The following PTPRG variants were observed in gnomAD, a reference collection of about 807,000 sequenced individuals.
The protein encoded by PTPRG is receptor-type tyrosine-protein phosphatase gamma.
In PTPRG, 102 loss-of-function variants were observed where a neutral mutation model predicts 165.3. The observed-to-expected ratio is 0.62, with a 90% confidence interval of 0.53 to 0.73. The LOEUF (loss-of-function observed/expected upper bound fraction) is 0.73. Among genes scored for constraint, PTPRG ranks in the 30% least tolerant of loss-of-function variants. The pLI is 0.00. For missense variants in PTPRG, 1,866 were observed against 1,861.4 expected (o/e 1.00, Z -0.05); for synonymous variants, 675 against 669.5 (o/e 1.01, Z -0.13).
chr3:62,057,324 T>C (rs1160771752), intron 4 of PTPRG, among the ~76,000 whole-genome samples: 1 of 152,210 alleles, frequency 6.6e-6, no homozygotes, highest in Non-Finnish European at 1.5e-5. Context: ...ACATCCATCC[T>C]TCATCCTCCA....
At chr3:62,158,760 T>A (rs1704633438) in intron 7 of PTPRG, among the ~76,000 whole-genome samples, 1 of 152,200 alleles carries the variant, frequency 6.6e-6, no homozygotes, top group Non-Finnish European at 1.5e-5. Context: ...ACTGCTGTTT[T>A]GGCAATCATT....
chr3:62,054,023 T>C (rs1295024482), intron 4 of PTPRG, among the ~76,000 whole-genome samples: 3 of 152,216 alleles, frequency 2.0e-5, no homozygotes, highest in Non-Finnish European at 2.9e-5. Flanking sequence ...AACATGCCCA[T>C]CACTCTGAAA....
chr3:61,717,603 T>C (rs2031862482), intron 1 of PTPRG, among the ~76,000 whole-genome samples: 1 of 151,818 alleles, frequency 6.6e-6, no homozygotes, highest in Non-Finnish European at 1.5e-5. Flanking sequence ...CTGGTCAACA[T>C]TGTGAAGCCC....
chr3:62,212,578 C>T (rs189252766), intron 12 of PTPRG, among the ~76,000 whole-genome samples: 1 of 152,226 alleles, frequency 6.6e-6, no homozygotes, highest in Admixed American at 6.5e-5. Context: ...GGTCAGAGTG[C>T]CATCTTGCAA....
chr3:61,655,583 CA>C (rs1204206263), intron 1 of PTPRG, among the ~76,000 whole-genome samples: 3 of 151,956 alleles, frequency 2.0e-5, no homozygotes, highest in East Asian at 3.9e-4. Flanking sequence ...TGGGTGGTTG[CA>C]TATTTTGGCT....
At chr3:61,831,288 A>G (rs1366755579) in intron 2 of PTPRG, among the ~76,000 whole-genome samples, 1 of 152,238 alleles carries the variant, frequency 6.6e-6, no homozygotes, top group Non-Finnish European at 1.5e-5. Context: ...CTTTTGTGAA[A>G]GAGCATAATA....
intron 1 of PTPRG, chr3:61,742,783 G>T: frequency 2.5e-6 from 4 of 1,611,036 alleles, no homozygotes; most frequent in Non-Finnish European, 3.4e-6. Flanking sequence ...GGCCAAAAAC[G>T]CATCATACTT....
intron 5 of PTPRG, among the ~76,000 whole-genome samples, chr3:62,101,958 T>C (rs1702302136): frequency 6.6e-6 from 1 of 152,178 alleles, no homozygotes; most frequent in Admixed American, 6.5e-5. Context: ...AAAGAAAAAG[T>C]ATCTCTTTCT....
chr3:61,877,906 C>G (rs1213502602), intron 2 of PTPRG, among the ~76,000 whole-genome samples: 15 of 152,164 alleles, frequency 9.9e-5, no homozygotes, highest in Non-Finnish European at 2.2e-4. Flanking sequence ...ACTCAGAGTA[C>G]AGTAAATGTC....
At chr3:62,095,396 G>A (rs1254171433) in intron 5 of PTPRG, among the ~76,000 whole-genome samples, 1 of 152,190 alleles carries the variant, frequency 6.6e-6, no homozygotes, top group South Asian at 2.1e-4. Flanking sequence ...ACAGCAGTTA[G>A]AGGTTACACC....
At chr3:61,850,130 A>C (rs2036919955) in intron 2 of PTPRG, among the ~76,000 whole-genome samples, 1 of 151,888 alleles carries the variant, frequency 6.6e-6, no homozygotes, top group South Asian at 2.1e-4. Context: ...TTTTCTTAGG[A>C]AATATTTAAT....
intron 2 of PTPRG, among the ~76,000 whole-genome samples, chr3:61,969,176 T>G (rs2040334272): frequency 6.6e-6 from 1 of 152,154 alleles, no homozygotes; most frequent in African/African-American, 2.4e-5. Context: ...AGTGGTTCAT[T>G]AATGATAGTT....
At chr3:62,279,331 T>A (rs1024727153) in intron 26 of PTPRG, among the ~76,000 whole-genome samples, 1 of 152,082 alleles carries the variant, frequency 6.6e-6, no homozygotes, top group Admixed American at 6.6e-5. Flanking sequence ...AAGCAGCATT[T>A]ATTTTTCTTA....
intron 2 of PTPRG, among the ~76,000 whole-genome samples, chr3:61,826,846 T>C (rs1339191693): frequency 2.0e-5 from 3 of 151,260 alleles, no homozygotes; most frequent in Non-Finnish European, 3.0e-5. Context: ...TTTTTTTTTT[T>C]TTCCGATTAT....
In PTPRG at chr3:61,964,525, C is replaced by G. The variant is rs115190785; in HGVS notation, c.191-25100C>G. On this transcript the variant is annotated intron_variant, in intron 2 of 29. Transcript: ENST00000474889. Reference sequence around the variant, plus strand: ...AAAATGTTAGTTTGAGATCAAAACTCTCCATCAAACATAGTTGAATTCCAA... The same window carrying G: ...AAAATGTTAGTTTGAGATCAAAACTGTCCATCAAACATAGTTGAATTCCAA... Among the ~76,000 whole-genome samples the G allele has an allele frequency of 1.8e-3, 270 of 152,264 alleles. 1 individual carries two copies. Among genetic ancestry groups the G allele is most frequent in the African/African-American group, 6.0e-3 (250 of 41,544 alleles).
chr3:62,001,447 G>T (rs1269467975), intron 3 of PTPRG, among the ~76,000 whole-genome samples: 1 of 152,120 alleles, frequency 6.6e-6, no homozygotes, highest in Non-Finnish European at 1.5e-5. Context: ...TCGTCCTGTG[G>T]ATGCAAAATG....
At chr3:61,889,561 G>A (rs1464197492) in intron 2 of PTPRG, among the ~76,000 whole-genome samples, 1 of 152,154 alleles carries the variant, frequency 6.6e-6, no homozygotes, top group Non-Finnish European at 1.5e-5. Context: ...ATCTCCGTTA[G>A]TATTTTTATG....
intron 2 of PTPRG, among the ~76,000 whole-genome samples, chr3:61,899,810 C>G (rs374130939): frequency 4.6e-5 from 7 of 152,242 alleles, no homozygotes; most frequent in East Asian, 1.9e-4. Context: ...ATCGGGATGT[C>G]GTGGGATTTA....
At chr3:61,780,888 T>C (rs1490866291) in intron 2 of PTPRG, among the ~76,000 whole-genome samples, 1 of 152,242 alleles carries the variant, frequency 6.6e-6, no homozygotes, top group Non-Finnish European at 1.5e-5. Flanking sequence ...GCGATGTACT[T>C]GATGGCGTGA....
Sources: gnomAD v4.1 joint callset for allele counts (sites outside exome capture counted in the v4.1 genomes callset) on GRCh38, gnomAD v4.1.1 for gene constraint, MANE v1.5 for transcripts, NCBI Gene and HGNC (gene_info 2026-07-23, HGNC 2026-07-21) for gene names.